ACTR3B: variants seen among roughly 807,000 people sequenced by gnomAD.
The protein encoded by ACTR3B is actin-related protein 3B.
A neutral mutation model predicts 59.0 loss-of-function variants in ACTR3B; 8 were observed. The ratio of observed to expected loss-of-function variants is 0.14; its 90% CI spans 0.08 to 0.24. The LOEUF (loss-of-function observed/expected upper bound fraction) is 0.24, where lower values mean the gene tolerates loss of function less well. Among genes scored for constraint, ACTR3B ranks in the 10% least tolerant of loss-of-function variants. ACTR3B has a pLI of 1.00. For synonymous variants in ACTR3B, 148 were observed against 197.9 expected (o/e 0.75, Z 2.12); for missense variants, 245 against 552.3 (o/e 0.44, Z 5.58).
chr7:152,763,316 A>G (rs1424002647), intron 1 of ACTR3B, among the ~76,000 whole-genome samples: 2 of 139,040 alleles, frequency 1.4e-5, no homozygotes, highest in Non-Finnish European at 3.1e-5. Context: ...TCCATCTCAA[A>G]AAAAAAAAAA....
chr7:152,782,791 G>A (rs928805558), intron 1 of ACTR3B, among the ~76,000 whole-genome samples: 2 of 151,826 alleles, frequency 1.3e-5, no homozygotes, highest in African/African-American at 2.4e-5. Flanking sequence ...GTTCACTAAT[G>A]TGGGCAGTTT....
At chr7:152,821,430 A>G (rs1228078519) in intron 7 of ACTR3B, among the ~76,000 whole-genome samples, 2 of 151,932 alleles carry the variant, frequency 1.3e-5, no homozygotes, top group African/African-American at 2.4e-5. Flanking sequence ...GTTCGAAACT[A>G]GCCCAGGTGA....
chr7:152,833,854 A>G (rs1797221870), intron 9 of ACTR3B, among the ~76,000 whole-genome samples: 1 of 152,162 alleles, frequency 6.6e-6, no homozygotes, highest in Non-Finnish European at 1.5e-5. Context: ...ATTTGGCATC[A>G]TAAAATATAC....
intron 1 of ACTR3B, among the ~76,000 whole-genome samples, chr7:152,765,495 C>A (rs1370795533): frequency 6.6e-6 from 1 of 151,318 alleles, no homozygotes; most frequent in Non-Finnish European, 1.5e-5. Context: ...CTCCCAAAAG[C>A]CACCCCACTT....
At chr7:152,760,445 A>C (rs989820900) in intron 1 of ACTR3B, among the ~76,000 whole-genome samples, 1 of 152,074 alleles carries the variant, frequency 6.6e-6, no homozygotes, top group Non-Finnish European at 1.5e-5. Context: ...CTCCTGGCTG[A>C]GGATTCTTTA....
chr7:152,771,210 C>T (rs573192343), intron 1 of ACTR3B, among the ~76,000 whole-genome samples: 1 of 152,316 alleles, frequency 6.6e-6, no homozygotes, highest in East Asian at 1.9e-4. Context: ...CTGCCTCAGC[C>T]TCCCAAAGTG....
At position 152,812,121 on chromosome 7, in the gene ACTR3B, C is replaced by G. The variant is rs551406668; in HGVS notation, c.337-2429C>G. On this transcript the variant is annotated intron_variant, in intron 4 of 11. Coordinates refer to ENST00000256001, the MANE Select transcript of ACTR3B (RefSeq NM_020445.6). ...TCTCAGCTCACTGCAACCTCCGCCT[C>G]CCACGTTCAAGCAATTCTCCTGCCT... 11 of 88,180 alleles carry G rather than the reference C, an allele frequency of 1.2e-4. 2 individuals carry two copies. The highest frequency in any genetic ancestry group is 3.4e-4 in the African/African-American group (11 of 32,076). 5.5% of individuals were successfully genotyped at this position (88,180 alleles called of 1,614,324 possible).
At chr7:152,833,749 G>A (rs888615470) in intron 9 of ACTR3B, among the ~76,000 whole-genome samples, 4 of 152,102 alleles carry the variant, frequency 2.6e-5, no homozygotes, top group African/African-American at 7.2e-5. Flanking sequence ...AATGGGTTAC[G>A]TGTGGCGTTT....
chr7:152,761,593 A>G (rs1017384203), intron 1 of ACTR3B, among the ~76,000 whole-genome samples: 1 of 152,188 alleles, frequency 6.6e-6, no homozygotes, highest in Non-Finnish European at 1.5e-5. Flanking sequence ...TTGGAGATTC[A>G]ACTTCTATAG....
chr7:152,802,348 A>AC (rs920712886), intron 4 of ACTR3B, among the ~76,000 whole-genome samples: 7 of 147,606 alleles, frequency 4.7e-5, no homozygotes. Context: ...ATTTGGATAA[A>AC]CCAACTGCCT....
intron 7 of ACTR3B, among the ~76,000 whole-genome samples, chr7:152,822,315 G>A (rs1364759868): frequency 6.6e-6 from 1 of 152,192 alleles, no homozygotes; most frequent in Non-Finnish European, 1.5e-5. Context: ...GCGCCAGCTG[G>A]GCGGCCCACC....
chr7:152,837,004 C>T (rs1797513062), intron 9 of ACTR3B, among the ~76,000 whole-genome samples: 1 of 152,130 alleles, frequency 6.6e-6, no homozygotes, highest in African/African-American at 2.4e-5. Flanking sequence ...GACCCCATCT[C>T]TACAAAAGAA....
chr7:152,779,049 C>T (rs1434463918), intron 1 of ACTR3B, among the ~76,000 whole-genome samples: 4 of 143,590 alleles, frequency 2.8e-5, no homozygotes, highest in African/African-American at 7.7e-5. Context: ...ATAGACATAT[C>T]GTGCTAAATG....
At chr7:152,821,824 G>C (rs1220107311) in intron 7 of ACTR3B, among the ~76,000 whole-genome samples, 1 of 152,146 alleles carries the variant, frequency 6.6e-6, no homozygotes, top group African/African-American at 2.4e-5. Context: ...TGAAAGGCGT[G>C]GTTTAGAGCT....
chr7:152,797,486 A>G (rs1224602910), intron 2 of ACTR3B, among the ~76,000 whole-genome samples: 1 of 152,206 alleles, frequency 6.6e-6, no homozygotes, highest in East Asian at 1.9e-4. Flanking sequence ...GGTTAAATCT[A>G]GCTAATTAAC....
intron 5 of ACTR3B, among the ~76,000 whole-genome samples, chr7:152,815,373 C>T (rs118136649): frequency 0.029 from 4,477 of 152,260 alleles, 97 homozygotes; most frequent in Middle Eastern, 0.099. Context: ...TCTAGCACTT[C>T]CAAATTTATT....
Position 152,827,509 on chromosome 7 carries a change from AAATT to A in ACTR3B, c.951+2391_951+2394del, listed in dbSNP as rs373878844. 1.8e-4 allele frequency among the ~76,000 whole-genome samples: 27 copies of A among 151,440 alleles called. No individual in the cohort carries two copies. The East Asian group carries it at 2.9e-3, about 16-fold the overall frequency. The stretch of plus-strand genomic sequence containing the variant: ...AGTAGACCAGAATATGTTATGATAA[AAATT>A]AATCCAAAATCTCAGTGTTCAGCAG... On this transcript the variant is annotated intron_variant, in intron 9 of 11. Coordinates refer to ENST00000256001, the MANE Select transcript of ACTR3B (RefSeq NM_020445.6).
intron 1 of ACTR3B, among the ~76,000 whole-genome samples, chr7:152,782,868 G>T (rs1184922719): frequency 6.6e-6 from 1 of 151,982 alleles, no homozygotes; most frequent in African/African-American, 2.4e-5. Context: ...TTCTTCACAG[G>T]GTTTTTGTAA....
intron 1 of ACTR3B, among the ~76,000 whole-genome samples, chr7:152,782,893 A>C (rs879685833): frequency 6.6e-6 from 1 of 152,210 alleles, no homozygotes; most frequent in African/African-American, 2.4e-5. Context: ...AGAGTGTAAA[A>C]GCACTTTTAA....
Sources: gnomAD v4.1 joint callset for allele counts (sites outside exome capture counted in the v4.1 genomes callset) on GRCh38, gnomAD v4.1.1 for gene constraint, MANE v1.5 for transcripts, NCBI Gene and HGNC (gene_info 2026-07-23, HGNC 2026-07-21) for gene names.